ARHGAP6: variants seen among roughly 807,000 people sequenced by gnomAD.
ARHGAP6 encodes the protein Rho GTPase activating protein 6.
Under a neutral mutation model 55.7 loss-of-function variants are expected in ARHGAP6, and 16 were observed. The ratio of observed to expected loss-of-function variants is 0.29; its 90% CI spans 0.19 to 0.44. ARHGAP6 has a LOEUF of 0.44. ARHGAP6 is among the 20% of genes least tolerant of loss of function. The pLI is 1.00. For missense variants in ARHGAP6, 698 were observed against 808.9 expected, an observed-to-expected ratio of 0.86 and a Z score of 1.66; for synonymous variants, 382 against 360.9, an observed-to-expected ratio of 1.06 and a Z score of -0.66.
chrX:11,321,110 C>T (rs2048427525), intron 1 of ARHGAP6, among the ~76,000 whole-genome samples: 1 of 111,630 alleles, frequency 9.0e-6, no homozygotes, highest in Non-Finnish European at 1.9e-5. Flanking sequence ...TAGACTGCTA[C>T]AATACAAAAG....
chrX:11,358,474 TTTCTTTC>T (rs1333320317), intron 1 of ARHGAP6, among the ~76,000 whole-genome samples: 1 of 98,400 alleles, frequency 1.0e-5, no homozygotes, highest in Non-Finnish European at 2.0e-5. Flanking sequence ...TCTTTCTTTC[TTTCTTTC>T]TTTCTTTTTT....
chrX:11,360,327 T>C (rs1244561428), intron 1 of ARHGAP6, among the ~76,000 whole-genome samples: 89 of 110,365 alleles, frequency 8.1e-4, no homozygotes, highest in African/African-American at 2.7e-3. Context: ...TGGGCTTCAT[T>C]CCTGGGATGC....
At chrX:11,207,216 T>TG (rs1441624092) in intron 2 of ARHGAP6, among the ~76,000 whole-genome samples, 4 of 108,517 alleles carry the variant, frequency 3.7e-5, no homozygotes, top group South Asian at 4.1e-4. Context: ...TTTTTAGATA[T>TG]GGGGGTCTCA....
Position 11,233,203 on chromosome X carries a change from A to G in ARHGAP6, c.748+21345T>C, listed in dbSNP as rs767065438. On this transcript the variant is annotated intron_variant, in intron 2 of 12. Coordinates refer to ENST00000337414, the MANE Select transcript of ARHGAP6 (RefSeq NM_013427.3). ...TAACCAGTTAAATCTCTTTTGTCTT[A>G]TATCATTTTAAAAGAGCATGTGGAA... Among the ~76,000 whole-genome samples, 20 of 112,470 alleles carry G rather than the reference A, an allele frequency of 1.8e-4. No individual in the cohort carries two copies. The South Asian group carries it at 2.2e-3, about 12-fold the overall frequency.
At chrX:11,279,266 CAATACAGCTGCTTT>C (rs2047820070) in intron 1 of ARHGAP6, among the ~76,000 whole-genome samples, 1 of 112,019 alleles carries the variant, frequency 8.9e-6, no homozygotes, top group African/African-American at 3.2e-5. Context: ...ATATCAAAAA[CAATACAGCTGCTTT>C]AGCACTGAAT....
chrX:11,220,236 C>T (rs1333715603), intron 2 of ARHGAP6, among the ~76,000 whole-genome samples: 1 of 111,306 alleles, frequency 9.0e-6, no homozygotes, highest in African/African-American at 3.3e-5. Context: ...CTGTTCTGTT[C>T]CATTGGTCTA....
intron 1 of ARHGAP6, among the ~76,000 whole-genome samples, chrX:11,588,274 T>C (rs759431416): frequency 8.9e-6 from 1 of 112,262 alleles, no homozygotes; most frequent in South Asian, 3.7e-4. Flanking sequence ...GGACCACCAC[T>C]TTCTGGTCTA....
chrX:11,143,546 T>C, intron 11 of ARHGAP6: 3 of 851,761 alleles, frequency 3.5e-6, no homozygotes, highest in Non-Finnish European at 4.3e-6. Flanking sequence ...ACTATTTGGT[T>C]CTGGAAGGTT....
intron 2 of ARHGAP6, among the ~76,000 whole-genome samples, chrX:11,229,467 A>G (rs1361367732): frequency 8.9e-6 from 1 of 112,071 alleles, no homozygotes; most frequent in Non-Finnish European, 1.9e-5. Context: ...CAATTACTTC[A>G]CATCTATGGC....
At chrX:11,379,355 G>C (rs1218059429) in intron 1 of ARHGAP6, among the ~76,000 whole-genome samples, 1 of 112,230 alleles carries the variant, frequency 8.9e-6, no homozygotes, top group Non-Finnish European at 1.9e-5. Flanking sequence ...CATGTATACA[G>C]GGATGAGTGG....
At chrX:11,260,530 T>C (rs1254199635) in intron 1 of ARHGAP6, among the ~76,000 whole-genome samples, 2 of 111,506 alleles carry the variant, frequency 1.8e-5, no homozygotes, top group Non-Finnish European at 3.8e-5. Flanking sequence ...TAAAATAGAA[T>C]TATAGAAAAT....
chrX:11,433,235 G>A (rs764522471), intron 1 of ARHGAP6, among the ~76,000 whole-genome samples: 1 of 112,323 alleles, frequency 8.9e-6, no homozygotes, highest in Admixed American at 9.4e-5. Flanking sequence ...ATATCATAAA[G>A]TTATGCATCA....
intron 1 of ARHGAP6, among the ~76,000 whole-genome samples, chrX:11,530,326 T>C (rs1044748323): frequency 1.8e-5 from 2 of 111,908 alleles, no homozygotes; most frequent in Non-Finnish European, 3.8e-5. Flanking sequence ...GTTCTAATGG[T>C]GAGAAAGGAG....
At chrX:11,542,974 G>A (rs913729151) in intron 1 of ARHGAP6, among the ~76,000 whole-genome samples, 15 of 111,564 alleles carry the variant, frequency 1.3e-4, no homozygotes, top group South Asian at 3.9e-4. Flanking sequence ...ACCATGAGTC[G>A]ACACCCAGAC....
chrX:11,358,020 T>C (rs984878808), intron 1 of ARHGAP6, among the ~76,000 whole-genome samples: 4 of 111,635 alleles, frequency 3.6e-5, no homozygotes, highest in African/African-American at 1.3e-4. Flanking sequence ...AAGAAATCCA[T>C]ACCCATTAAC....
chrX:11,554,645 A>G (rs1191847001), intron 1 of ARHGAP6, among the ~76,000 whole-genome samples: 1 of 112,385 alleles, frequency 8.9e-6, no homozygotes, highest in Non-Finnish European at 1.9e-5. Flanking sequence ...TTTCTCATAC[A>G]GAACCTTTAT....
chrX:11,399,354 C>CAAAAAA (rs56197001), intron 1 of ARHGAP6, among the ~76,000 whole-genome samples: 20 of 35,257 alleles, frequency 5.7e-4, no homozygotes, highest in African/African-American at 7.5e-4. Context: ...AATAAGCAAT[C>CAAAAAA]AAAAAAAAAA....
At chrX:11,521,375 T>C in intron 1 of ARHGAP6, among the ~76,000 whole-genome samples, 1 of 112,435 alleles carries the variant, frequency 8.9e-6, no homozygotes, top group Non-Finnish European at 1.9e-5. Context: ...TTTCTACAAA[T>C]GGCTAGCCAG....
intron 1 of ARHGAP6, among the ~76,000 whole-genome samples, chrX:11,570,994 G>A (rs777801776): frequency 3.2e-4 from 36 of 111,147 alleles, no homozygotes; most frequent in Non-Finnish European, 6.2e-4. Context: ...TCTGCCATGT[G>A]AGGACACAGC....
Sources: gnomAD v4.1 joint callset for allele counts (sites outside exome capture counted in the v4.1 genomes callset) on GRCh38, gnomAD v4.1.1 for gene constraint, MANE v1.5 for transcripts, NCBI Gene and HGNC (gene_info 2026-07-23, HGNC 2026-07-21) for gene names.